PARM1: variants seen among roughly 807,000 people sequenced by gnomAD.
PARM1 encodes the protein prostate androgen-regulated mucin-like protein 1.
Under a neutral mutation model 24.6 loss-of-function variants are expected in PARM1, and 14 were observed. That is an observed-to-expected ratio of 0.57 (90% CI 0.38 to 0.89). PARM1 has a LOEUF of 0.89. PARM1 is among the 40% of genes least tolerant of loss of function. The pLI, the probability that PARM1 is intolerant of heterozygous loss-of-function variation, is 0.00. For missense variants in PARM1, 362 were observed against 380.4 expected (o/e 0.95, Z 0.40); for synonymous variants, 179 against 156.6 (o/e 1.14, Z -1.07).
At chr4:74,960,383 T>C (rs1721744078) in intron 1 of PARM1, among the ~76,000 whole-genome samples, 1 of 152,088 alleles carries the variant, frequency 6.6e-6, no homozygotes, top group Admixed American at 6.5e-5. Context: ...AACAACCACA[T>C]ATATGGGGGC....
intron 1 of PARM1, among the ~76,000 whole-genome samples, chr4:74,938,525 G>A (rs548539743): frequency 3.3e-5 from 5 of 152,142 alleles, no homozygotes; most frequent in Non-Finnish European, 7.4e-5. Context: ...GAGAAGAGGT[G>A]GGTAGATAGT....
At chr4:75,014,769 T>A (rs1578051283) in intron 2 of PARM1, among the ~76,000 whole-genome samples, 1 of 152,094 alleles carries the variant, frequency 6.6e-6, no homozygotes, top group Non-Finnish European at 1.5e-5. Context: ...ATCTATTGAC[T>A]CCTCTGTGCA....
chr4:74,948,670 G>A (rs748888693), intron 1 of PARM1, among the ~76,000 whole-genome samples: 3 of 152,146 alleles, frequency 2.0e-5, no homozygotes, highest in Admixed American at 1.3e-4. Context: ...GAGATGACAG[G>A]GTCCAGGAGA....
In PARM1 at chr4:74,960,176, G is replaced by T. The variant is rs950206455; in HGVS notation, c.43+26806G>T. ...CTGATTGCTGTGTCTAATCTTTGAG[G>T]TGCACACATATAGGAGGAAGCCATT... On this transcript the variant is annotated intron_variant, in intron 1 of 3. Coordinates refer to ENST00000307428, the MANE Select transcript of PARM1 (RefSeq NM_015393.4). 2.0e-5 allele frequency among the ~76,000 whole-genome samples: 3 copies of T among 152,156 alleles called. No individual in the cohort carries two copies. The South Asian group carries it at 6.2e-4, about 32-fold the overall frequency.
In PARM1 at chr4:74,933,389, C is replaced by T; in HGVS notation, c.43+19C>T. ...ACTGCAGGTAATTGGCGCCATCCTC[C>T]CGGAAGGGCAGGTCGCGGGGTGGGC... is the stretch of plus-strand genomic sequence containing the variant. On this transcript the variant is annotated intron_variant, in intron 1 of 3. Coordinates refer to ENST00000307428, the MANE Select transcript of PARM1 (RefSeq NM_015393.4). 1 of 1,611,074 alleles carries T rather than the reference C, an allele frequency of 6.2e-7. No individual in the cohort carries two copies. The highest frequency in any genetic ancestry group is 1.1e-5 in the South Asian group (1 of 90,772).
At chr4:74,991,103 C>T (rs368884311) in intron 1 of PARM1, among the ~76,000 whole-genome samples, 12 of 152,166 alleles carry the variant, frequency 7.9e-5, no homozygotes, top group South Asian at 6.2e-4. Context: ...ACATGGGTTC[C>T]GCCCTGCAGA....
chr4:74,978,562 A>G (rs1722182553), intron 1 of PARM1, among the ~76,000 whole-genome samples: 1 of 152,176 alleles, frequency 6.6e-6, no homozygotes. Flanking sequence ...CAAGATAGAA[A>G]ATTAACAAAG....
At chr4:74,972,080 C>A (rs1178195326) in intron 1 of PARM1, among the ~76,000 whole-genome samples, 1 of 152,210 alleles carries the variant, frequency 6.6e-6, no homozygotes, top group African/African-American at 2.4e-5. Context: ...AACATGCACG[C>A]CCTGTCTCTG....
intron 1 of PARM1, among the ~76,000 whole-genome samples, chr4:74,983,633 C>A (rs552850708): frequency 1.2e-4 from 18 of 152,334 alleles, no homozygotes; most frequent in African/African-American, 3.6e-4. Flanking sequence ...TCCCCTCCTG[C>A]TCCCATGTAC....
chr4:75,001,278 A>G (rs1301935510), intron 1 of PARM1, among the ~76,000 whole-genome samples: 5 of 152,260 alleles, frequency 3.3e-5, no homozygotes, highest in Non-Finnish European at 7.3e-5. Context: ...CATACAACCA[A>G]GTACAATTTA....
At chr4:75,020,342 G>A (rs769519233) in intron 2 of PARM1, among the ~76,000 whole-genome samples, 1 of 152,044 alleles carries the variant, frequency 6.6e-6, no homozygotes, top group Non-Finnish European at 1.5e-5. Context: ...CATCTTTTCA[G>A]TTCTCTCTCT....
At chr4:74,966,383 A>AG (rs1047686216) in intron 1 of PARM1, among the ~76,000 whole-genome samples, 10 of 152,316 alleles carry the variant, frequency 6.6e-5, no homozygotes, top group African/African-American at 2.4e-4. Context: ...GAGTAGAGTG[A>AG]GGGGGTGAAT....
Position 74,982,431 on chromosome 4 carries a change from T to A in PARM1, c.44-29994T>A, listed in dbSNP as rs377517646. ...ACTTATGTAACAAACCTGTACATCCTGCACATGTACCCCAGAACTTAAAAT... is the reference window on the plus strand; with the variant it reads ...ACTTATGTAACAAACCTGTACATCCAGCACATGTACCCCAGAACTTAAAAT... On this transcript the variant is annotated intron_variant, in intron 1 of 3. Transcript: ENST00000307428. Among the ~76,000 whole-genome samples, 26 of 152,288 alleles carry A rather than the reference T, an allele frequency of 1.7e-4. No homozygotes were observed. In the East Asian group the frequency reaches 4.2e-3, roughly 25 times the overall value.
chr4:74,936,438 GT>G (rs33956924), intron 1 of PARM1, among the ~76,000 whole-genome samples: 376 of 31,874 alleles, frequency 0.012, 2 homozygotes, highest in Middle Eastern at 0.1. Context: ...ACATTCAAGT[GT>G]TTTTTTTTTG....
chr4:75,011,300 T>C (rs1304891470), intron 1 of PARM1, among the ~76,000 whole-genome samples: 1 of 152,200 alleles, frequency 6.6e-6, no homozygotes, highest in African/African-American at 2.4e-5. Flanking sequence ...GACAAGTGGT[T>C]GAATCAGGAT....
At chr4:74,977,905 CA>C (rs1464355769) in intron 1 of PARM1, among the ~76,000 whole-genome samples, 1 of 152,156 alleles carries the variant, frequency 6.6e-6, no homozygotes, top group Non-Finnish European at 1.5e-5. Flanking sequence ...CCTCTTCAGA[CA>C]AACAAATGTT....
At position 75,046,472 on chromosome 4, in the gene PARM1, A is replaced by C. The variant is rs1408565137; in HGVS notation, c.*225A>C. 8.9e-6 allele frequency: 4 copies of C among 448,042 alleles called. No individual in the cohort carries two copies. Among genetic ancestry groups the C allele is most frequent in the African/African-American group, 8.0e-5 (4 of 49,972 alleles). The allele number at this position is 448,042 out of a possible 1,614,324, so 27.8% of individuals were successfully genotyped here. ...TGAGTGGAGGCTGATTTGCAGCTGAAGTGGGCCAGCCTTGCACCAGCCAGG... is the reference window on the plus strand; with the variant it reads ...TGAGTGGAGGCTGATTTGCAGCTGACGTGGGCCAGCCTTGCACCAGCCAGG... On this transcript the variant is annotated 3_prime_UTR_variant, in exon 4 of 4. Transcript: ENST00000307428.
At chr4:75,022,161 G>A (rs922546777) in intron 2 of PARM1, among the ~76,000 whole-genome samples, 1 of 152,180 alleles carries the variant, frequency 6.6e-6, no homozygotes, top group African/African-American at 2.4e-5. Flanking sequence ...ACTGGTGTGA[G>A]ATGGTATCTC....
At chr4:74,950,189 A>C (rs1336626618) in intron 1 of PARM1, among the ~76,000 whole-genome samples, 2 of 152,176 alleles carry the variant, frequency 1.3e-5, no homozygotes, top group African/African-American at 4.8e-5. Context: ...GGGTTTCCTG[A>C]GGCTGCCATA....
Sources: gnomAD v4.1 joint callset for allele counts (sites outside exome capture counted in the v4.1 genomes callset) on GRCh38, gnomAD v4.1.1 for gene constraint, MANE v1.5 for transcripts, NCBI Gene and HGNC (gene_info 2026-07-23, HGNC 2026-07-21) for gene names.